The following TXNL1 variants were observed in gnomAD, a reference collection of about 807,000 sequenced individuals.
TXNL1 encodes thioredoxin-like protein 1.
A neutral mutation model predicts 35.5 loss-of-function variants in TXNL1; 14 were observed. The ratio of observed to expected loss-of-function variants is 0.39; its 90% CI spans 0.26 to 0.62. The LOEUF (loss-of-function observed/expected upper bound fraction) is 0.62. Among genes scored for constraint, TXNL1 ranks in the 20% least tolerant of loss-of-function variants. TXNL1 has a pLI of 0.47. For missense variants in TXNL1, 263 were observed against 349.7 expected (o/e 0.75, Z 1.98); for synonymous variants, 110 against 115.5 (o/e 0.95, Z 0.31).
intron 1 of TXNL1, among the ~76,000 whole-genome samples, chr18:56,634,456 A>G (rs898800568): frequency 1.3e-5 from 2 of 152,240 alleles, no homozygotes; most frequent in Admixed American, 1.3e-4. Context: ...TTGAGTCAAT[A>G]TAAGAGCTTA....
chr18:56,635,223 A>C (rs1202845260), intron 1 of TXNL1, among the ~76,000 whole-genome samples: 1 of 152,160 alleles, frequency 6.6e-6, no homozygotes, highest in Non-Finnish European at 1.5e-5. Context: ...TCAAAACTGC[A>C]CTCCAGCCTG....
rs655539 is a variant in TXNL1 at position 56,614,559 on chromosome 18, T to C, written c.600A>G (p.Leu200=). The C allele has an allele frequency of 0.051, 82,124 of 1,613,384 alleles. 2,465 individuals are homozygous for C. The highest frequency in any genetic ancestry group is 0.059 in the Non-Finnish European group (69,677 of 1,179,602). ...CCTCTTCAAAATCCATAGATCGGGG[T>C]AGGTTGATAAAAATTTTTACATATT... ...GPKYVKIFIN[L]PRSMDFEEAE... Residue 200 remains leucine (L), a synonymous_variant, in exon 6 of 8, where the codon CTA becomes CTG. Coordinates refer to ENST00000217515, the MANE Select transcript of TXNL1 (RefSeq NM_004786.3).
chr18:56,616,266 T>G lies in TXNL1; in HGVS notation c.541A>C (p.Lys181Gln). The G allele has an allele frequency of 6.2e-7, 1 of 1,613,806 alleles. No homozygotes were observed. Among genetic ancestry groups the G allele is most frequent in the Non-Finnish European group, 8.5e-7 (1 of 1,179,884 alleles). ...FNQPVKLYSM[K>Q]FQGPDNGQGP... ...TCACCATTATCTGGCCCTTGAAATT[T>G]CATGGAATAAAGCTTAACAGGTTGA... is the stretch of plus-strand genomic sequence containing the variant. The change falls in exon 5 of 8, where the codon AAA becomes CAA. Residue 181 changes from lysine (K) to glutamine (Q), a missense_variant. Physicochemically the swap from Lys to Gln is moderately conservative, Grantham distance 53. Transcript: ENST00000217515.
chr18:56,605,516 CTA>C (rs1324645291), intron 7 of TXNL1, among the ~76,000 whole-genome samples: 1 of 84,512 alleles, frequency 1.2e-5, no homozygotes, highest in Non-Finnish European at 3.8e-5. Flanking sequence ...GCAGAAGCCC[CTA>C]TAATTTTCTC....
At chr18:56,634,820 A>G (rs1035068509) in intron 1 of TXNL1, among the ~76,000 whole-genome samples, 2 of 152,238 alleles carry the variant, frequency 1.3e-5, no homozygotes, top group Admixed American at 6.5e-5. Flanking sequence ...GGACTTCATC[A>G]AAATTTAAAA....
At chr18:56,628,769 A>G (rs928193974) in intron 1 of TXNL1, among the ~76,000 whole-genome samples, 5 of 152,224 alleles carry the variant, frequency 3.3e-5, no homozygotes, top group African/African-American at 1.2e-4. Context: ...ATACATTTCT[A>G]ATTGTGTGCC....
intron 3 of TXNL1, among the ~76,000 whole-genome samples, chr18:56,623,703 G>C (rs904783292): frequency 8.6e-5 from 13 of 151,634 alleles, no homozygotes; most frequent in African/African-American, 3.2e-4. Context: ...AGATTCTTAA[G>C]TCTTTATGTT....
intron 3 of TXNL1, among the ~76,000 whole-genome samples, chr18:56,618,761 A>T (rs2024131238): frequency 6.7e-6 from 1 of 149,950 alleles, no homozygotes; most frequent in Admixed American, 6.7e-5. Flanking sequence ...ATAAGAACTT[A>T]AAAAAAAACA....
At chr18:56,604,374 A>C (rs2144273917) in intron 7 of TXNL1, 1 of 152,362 alleles carries the variant, frequency 6.6e-6, no homozygotes, top group East Asian at 1.9e-4. Context: ...AAAGAAAACA[A>C]AAACAAATAT....
chr18:56,616,534 AAATT>A lies in TXNL1; in HGVS notation c.493-224_493-221del, dbSNP rs202085300. On this transcript the variant is annotated intron_variant, in intron 4 of 7. Coordinates refer to ENST00000217515, the MANE Select transcript of TXNL1 (RefSeq NM_004786.3). Reference sequence around the variant, plus strand: ...TATGTATATAAGGGAATACAAGAAAAAATTAATCAAGTAAATACTAAAACTATGC... The same window carrying A: ...TATGTATATAAGGGAATACAAGAAAAAATCAAGTAAATACTAAAACTATGC... Among the ~76,000 whole-genome samples, 424 of 152,336 alleles carry A rather than the reference AAATT, an allele frequency of 2.8e-3. 6 individuals are homozygous for A. In the East Asian group the frequency reaches 0.037, roughly 13 times the overall value.
In TXNL1 at chr18:56,638,328, C is replaced by T; in HGVS notation, c.98+15G>A. ...AGGACAGACGGGGACCCACAGAGCT[C>T]GAGCCTGGCCTCACCCTCTCATGGT... On this transcript the variant is annotated intron_variant, in intron 1 of 7. Transcript: ENST00000217515. 6.2e-7 allele frequency: 1 copy of T among 1,602,790 alleles called. No homozygotes were observed.
chr18:56,623,080 T>C (rs780370618), intron 3 of TXNL1, among the ~76,000 whole-genome samples: 6 of 152,166 alleles, frequency 3.9e-5, no homozygotes, highest in Non-Finnish European at 7.3e-5. Context: ...AGGGAGGACT[T>C]GTAGCTCCAT....
intron 1 of TXNL1, among the ~76,000 whole-genome samples, chr18:56,636,548 T>C (rs2024457768): frequency 6.6e-6 from 1 of 152,180 alleles, no homozygotes; most frequent in African/African-American, 2.4e-5. Context: ...AAACATTAAT[T>C]TTCCCTCGGT....
At chr18:56,634,084 CTT>C (rs1325459302) in intron 1 of TXNL1, among the ~76,000 whole-genome samples, 1 of 150,736 alleles carries the variant, frequency 6.6e-6, no homozygotes, top group African/African-American at 2.4e-5. Flanking sequence ...TCTTTTAACT[CTT>C]TAGTAACAAC....
chr18:56,620,890 A>AATTT (rs2024168711), intron 3 of TXNL1, among the ~76,000 whole-genome samples: 2 of 152,248 alleles, frequency 1.3e-5, no homozygotes, highest in Non-Finnish European at 2.9e-5. Context: ...TAGTAAATGT[A>AATTT]TTACTCAGGG....
Position 56,614,600 on chromosome 18 carries a change from T to C in TXNL1, c.563-4A>G, listed in dbSNP as rs17090267. 5.0e-3 allele frequency: 8,052 copies of C among 1,604,856 alleles called. 305 individuals are homozygous for C. The African/African-American group carries it at 0.091, about 18-fold the overall frequency. On this transcript the variant is annotated splice_region_variant and splice_polypyrimidine_tract_variant and intron_variant, in intron 5 of 7. Transcript: ENST00000217515. ...TTTACATATTTAGGGCCCTGACCTA[T>C]ACAATGGTAGAATAAAATAAAATGT...
At chr18:56,616,346 T>A in intron 4 of TXNL1, 32 bp from the exon 5 acceptor site, 1 of 1,582,668 alleles carries the variant, frequency 6.3e-7, no homozygotes, top group Non-Finnish European at 8.7e-7. Flanking sequence ...TTTAAAGGGC[T>A]CTTGTACACA....
rs869094750 is a variant in TXNL1 at position 56,602,016 on chromosome 18, C to CT, written c.*1010dup. On this transcript the variant is annotated 3_prime_UTR_variant, in exon 8 of 8. Transcript: ENST00000217515. ...ATACTTGATTAAGGGTAATAATTCC[C>CT]TTTTTTTTTTGGAGACGGAGTTTTG... 6.8e-3 allele frequency: 950 copies of CT among 140,738 alleles called. 10 individuals are homozygous for CT. The highest frequency in any genetic ancestry group is 0.01 in the Non-Finnish European group (669 of 66,490). The allele number at this position is 140,738 out of a possible 1,614,324, so 8.7% of individuals were successfully genotyped here. A position where few individuals can be genotyped will look rare whatever the true frequency, so the allele number is the denominator to read the frequency against.
chr18:56,635,837 G>A (rs1355570564), intron 1 of TXNL1, among the ~76,000 whole-genome samples: 1 of 152,184 alleles, frequency 6.6e-6, no homozygotes, highest in Non-Finnish European at 1.5e-5. Flanking sequence ...AATAGAAAAT[G>A]ACATGGTATC....
Sources: allele counts gnomAD v4.1 joint callset (sites outside exome capture counted in the v4.1 genomes callset), GRCh38; gene constraint gnomAD v4.1.1; transcripts MANE v1.5; gene names NCBI Gene and HGNC (gene_info 2026-07-23, HGNC 2026-07-21).